The following MYLK variants were observed in gnomAD, a reference collection of about 807,000 sequenced individuals.
MYLK encodes the protein myosin light chain kinase, smooth muscle.
In MYLK, 106 loss-of-function variants were observed where a neutral mutation model predicts 203.4. That is an observed-to-expected ratio of 0.52 (90% confidence interval 0.45 to 0.61). The LOEUF (loss-of-function observed/expected upper bound fraction) is 0.61, where lower values mean the gene tolerates loss of function less well. Ranked by LOEUF, MYLK falls within the 20% of genes least tolerant of loss-of-function variation. The pLI is 0.00. For synonymous variants in MYLK, 867 were observed against 959.5 expected (o/e 0.90, Z 1.78); for missense variants, 2,072 against 2,442.3 (o/e 0.85, Z 3.20).
intron 19 of MYLK, 114 bp from the exon 20 acceptor site, chr3:123,682,424 T>G: frequency 8.6e-6 from 7 of 810,806 alleles, no homozygotes; most frequent in Non-Finnish European, 1.4e-5. Flanking sequence ...TGAGGGCCCT[T>G]TGTGCCCGCT....
At chr3:123,709,154 T>C in intron 14 of MYLK, 1 of 319,644 alleles carries the variant, frequency 3.1e-6, no homozygotes, top group Non-Finnish European at 5.8e-6. Context: ...TTTTTTTTTT[T>C]TTTGAGACAG....
At chr3:123,800,545 G>C (rs1577016999) in intron 3 of MYLK, among the ~76,000 whole-genome samples, 1 of 152,168 alleles carries the variant, frequency 6.6e-6, no homozygotes, top group South Asian at 2.1e-4. Context: ...TGTTGAGCAC[G>C]ACTTTGCCTC....
At chr3:123,723,381 C>T (rs557160892) in intron 12 of MYLK, among the ~76,000 whole-genome samples, 3 of 152,296 alleles carry the variant, frequency 2.0e-5, no homozygotes, top group East Asian at 1.9e-4. Context: ...AAAGTGGGGC[C>T]GAGGGCTGGG....
Position 123,733,830 on chromosome 3 carries a change from A to G in MYLK, c.1166T>C (p.Leu389Pro). 1 of 1,614,062 alleles carries G rather than the reference A, an allele frequency of 6.2e-7. No homozygotes were observed. The highest frequency in any genetic ancestry group is 8.5e-7 in the Non-Finnish European group (1 of 1,180,044). ...CTTGCTCACAACATCTTGGCTCCCC[A>G]GGCCAGGCTGCCTGGTGGGGAAGGT... ...PATFPTRQPG[L>P]GSQDVVSKAA... The change falls in exon 10 of 34, where the codon CTG becomes CCG. Residue 389 changes from leucine to proline, a missense_variant. Physicochemically the swap from Leu to Pro is moderately conservative, Grantham distance 98. Transcript: ENST00000360304.
chr3:123,692,082 C>A (rs994975598), intron 19 of MYLK, among the ~76,000 whole-genome samples: 1 of 152,228 alleles, frequency 6.6e-6, no homozygotes, highest in African/African-American at 2.4e-5. Context: ...GCACTTCCTG[C>A]ATTTCCTTAG....
chr3:123,622,533 T>C (rs2057923978), intron 31 of MYLK: 1 of 152,254 alleles, frequency 6.6e-6, no homozygotes, highest in Non-Finnish European at 1.5e-5. Context: ...ATGTCTTTTT[T>C]CTTCCAGATT....
chr3:123,829,195 T>G (rs1259464192), intron 3 of MYLK, among the ~76,000 whole-genome samples: 1 of 152,166 alleles, frequency 6.6e-6, no homozygotes, highest in Admixed American at 6.5e-5. Flanking sequence ...TCAATGTAGG[T>G]ATCCAACAGA....
At chr3:123,858,787 C>T (rs2148683099) in intron 2 of MYLK, among the ~76,000 whole-genome samples, 1 of 152,240 alleles carries the variant, frequency 6.6e-6, no homozygotes, top group South Asian at 2.1e-4. Flanking sequence ...ACTGGGGACC[C>T]AGTTTCAACA....
At chr3:123,811,560 A>C (rs2065562076) in intron 3 of MYLK, among the ~76,000 whole-genome samples, 3 of 152,148 alleles carry the variant, frequency 2.0e-5, no homozygotes, top group Admixed American at 1.3e-4. Flanking sequence ...CTGAACTTGA[A>C]ATTCCACACC....
chr3:123,821,740 T>C (rs901303144), intron 3 of MYLK, among the ~76,000 whole-genome samples: 9 of 152,226 alleles, frequency 5.9e-5, no homozygotes, highest in Non-Finnish European at 1.2e-4. Context: ...GCTTTCATTA[T>C]GTTTATGTAA....
chr3:123,726,568 T>A (rs2062294091), intron 11 of MYLK, among the ~76,000 whole-genome samples: 5 of 152,190 alleles, frequency 3.3e-5, no homozygotes, highest in Admixed American at 3.3e-4. Flanking sequence ...ATTATTACAA[T>A]GATTTTTTTC....
At chr3:123,883,747 C>G (rs1339570777) in intron 1 of MYLK, among the ~76,000 whole-genome samples, 1 of 152,182 alleles carries the variant, frequency 6.6e-6, no homozygotes, top group African/African-American at 2.4e-5. Flanking sequence ...AAGCCCGCGC[C>G]CCAGCTTCGC....
chr3:123,843,247 G>A (rs1275377715), intron 2 of MYLK, among the ~76,000 whole-genome samples: 3 of 152,166 alleles, frequency 2.0e-5, no homozygotes, highest in Non-Finnish European at 2.9e-5. Context: ...AATGAAATCA[G>A]ACAGATTAGG....
In MYLK at chr3:123,767,490, C is replaced by T. The variant is rs868093460; in HGVS notation, c.166-14952G>A. Among the ~76,000 whole-genome samples, 5 of 152,296 alleles carry T rather than the reference C, an allele frequency of 3.3e-5. No homozygotes were observed. The Middle Eastern group carries it at 0.01, about 311-fold the overall frequency. ...AGCATGGTGGCTTGCACCTGTAATC[C>T]CAGATACTCAGGTGGCTGAGGCACG... is the stretch of plus-strand genomic sequence containing the variant. On this transcript the variant is annotated intron_variant, in intron 4 of 33. Coordinates refer to ENST00000360304, the MANE Select transcript of MYLK (RefSeq NM_053025.4).
intron 1 of MYLK, among the ~76,000 whole-genome samples, chr3:123,878,770 C>T (rs187544076): frequency 2.5e-3 from 375 of 152,286 alleles, no homozygotes; most frequent in Non-Finnish European, 3.9e-3. Flanking sequence ...TCACTGCAAC[C>T]TCTGCTCCTG....
At chr3:123,772,525 C>T (rs2063916759) in intron 4 of MYLK, among the ~76,000 whole-genome samples, 1 of 151,956 alleles carries the variant, frequency 6.6e-6, no homozygotes. Flanking sequence ...CCAGGCATGA[C>T]ACTAATAGTG....
At chr3:123,787,345 T>C (rs1397955863) in intron 4 of MYLK, among the ~76,000 whole-genome samples, 1 of 152,016 alleles carries the variant, frequency 6.6e-6, no homozygotes, top group East Asian at 1.9e-4. Flanking sequence ...TGGTGCGGAA[T>C]GAGGGCTCTG....
intron 8 of MYLK, among the ~76,000 whole-genome samples, chr3:123,736,911 C>T (rs1217806854): frequency 1.3e-5 from 2 of 152,128 alleles, no homozygotes; most frequent in Admixed American, 6.5e-5. Context: ...TCTGCGCTGC[C>T]CTGTTCACCC....
At chr3:123,847,796 T>C (rs2030213606) in intron 2 of MYLK, among the ~76,000 whole-genome samples, 1 of 152,148 alleles carries the variant, frequency 6.6e-6, no homozygotes, top group Non-Finnish European at 1.5e-5. Context: ...GATTTGTAAA[T>C]ATTTCATAAG....
Sources: gnomAD v4.1 joint callset for allele counts (sites outside exome capture counted in the v4.1 genomes callset) on GRCh38, gnomAD v4.1.1 for gene constraint, MANE v1.5 for transcripts, NCBI Gene and HGNC (gene_info 2026-07-23, HGNC 2026-07-21) for gene names.